CDH13: variants seen among roughly 807,000 people sequenced by gnomAD.
The protein encoded by CDH13 is cadherin 13.
In CDH13, 24 loss-of-function variants were observed where a neutral mutation model predicts 63.8. The ratio of observed to expected loss-of-function variants is 0.38; its 90% CI spans 0.27 to 0.53. The LOEUF (loss-of-function observed/expected upper bound fraction) is 0.53, where lower values mean the gene tolerates loss of function less well. Among genes scored for constraint, CDH13 ranks in the 20% least tolerant of loss-of-function variants. The pLI is 0.85. For synonymous variants in CDH13, 503 were observed against 355.3 expected, an observed-to-expected ratio of 1.42 and a Z score of -4.67; for missense variants, 1,049 against 903.1, an observed-to-expected ratio of 1.16 and a Z score of -2.07.
At chr16:83,717,640 C>T (rs1399562568) in intron 10 of CDH13, among the ~76,000 whole-genome samples, 1 of 152,256 alleles carries the variant, frequency 6.6e-6, no homozygotes, top group African/African-American at 2.4e-5. Context: ...TTTCACCTCT[C>T]ACTGCCTCAA....
rs1030278435 is a variant in CDH13, at chr16:83,783,483, C to G, written c.2134+11C>G. On this transcript the variant is annotated intron_variant, in intron 13 of 13. Transcript: ENST00000567109. ...TCTTCAGCTTAGCTTGTAAGTTGAC[C>G]TAACTCCAGTGCATGCACAAACAGG... 7.5e-6 allele frequency: 12 copies of G among 1,607,142 alleles called. No individual in the cohort carries two copies. The highest frequency in any genetic ancestry group is 2.7e-5 in the African/African-American group (2 of 74,766).
At chr16:83,072,853 G>A (rs992323716) in intron 3 of CDH13, among the ~76,000 whole-genome samples, 4 of 152,178 alleles carry the variant, frequency 2.6e-5, no homozygotes. Context: ...CCCTACATTG[G>A]AGGAAAGTTG....
At chr16:82,670,551 G>A (rs527269474) in intron 1 of CDH13, among the ~76,000 whole-genome samples, 1 of 152,162 alleles carries the variant, frequency 6.6e-6, no homozygotes, top group African/African-American at 2.4e-5. Context: ...AAGGCAGCGG[G>A]GCACACGTAC....
At chr16:83,213,932 T>A (rs542561055) in intron 4 of CDH13, among the ~76,000 whole-genome samples, 1 of 152,190 alleles carries the variant, frequency 6.6e-6, no homozygotes, top group African/African-American at 2.4e-5. Context: ...CGCACCAATC[T>A]GCACTCTGTG....
Position 82,693,317 on chromosome 16 carries a change from C to A in CDH13, c.45+66180C>A, listed in dbSNP as rs572966002. On this transcript the variant is annotated intron_variant, in intron 1 of 13. Coordinates refer to ENST00000567109, the MANE Select transcript of CDH13 (RefSeq NM_001257.5). Reference sequence around the variant, plus strand: ...AGCTTCTTAGTTTGTGGCAAGATAACTAACACATACATGAAAGTCTAGGCT... The same window carrying A: ...AGCTTCTTAGTTTGTGGCAAGATAAATAACACATACATGAAAGTCTAGGCT... 9.1e-4 allele frequency among the ~76,000 whole-genome samples: 138 copies of A among 152,250 alleles called. 1 individual carries two copies. Among genetic ancestry groups the A allele is most frequent in the Non-Finnish European group, 1.8e-3 (124 of 68,026 alleles).
intron 3 of CDH13, among the ~76,000 whole-genome samples, chr16:83,054,785 T>A (rs1056880878): frequency 6.6e-6 from 1 of 152,126 alleles, no homozygotes; most frequent in Non-Finnish European, 1.5e-5. Flanking sequence ...ATATAACAAG[T>A]AGTCTAAATA....
rs371199861 is a variant in CDH13, at chr16:83,109,900, G to A, written c.367-15485G>A. On this transcript the variant is annotated intron_variant, in intron 3 of 13. Transcript: ENST00000567109. ...ACATTTTTCACCTCCAGTAAAACTA[G>A]CAAGTCTTGATTTGTGTTGTTATTG... Among the ~76,000 whole-genome samples, 67 of 152,312 alleles carry A rather than the reference G, an allele frequency of 4.4e-4. 2 individuals carry two copies. The South Asian group carries it at 0.01, about 24-fold the overall frequency.
chr16:82,895,025 G>A (rs2041206155), intron 2 of CDH13, among the ~76,000 whole-genome samples: 1 of 152,168 alleles, frequency 6.6e-6, no homozygotes, highest in Non-Finnish European at 1.5e-5. Flanking sequence ...TATCAGCCAT[G>A]ATGTTTTCCT....
chr16:83,744,463 A>G (rs1912375227), intron 10 of CDH13, among the ~76,000 whole-genome samples: 2 of 152,234 alleles, frequency 1.3e-5, no homozygotes, highest in South Asian at 2.1e-4. Context: ...CAAAATAGTG[A>G]AAGGATCATT....
chr16:83,659,691 C>G (rs1267753479), intron 8 of CDH13, among the ~76,000 whole-genome samples: 2 of 151,852 alleles, frequency 1.3e-5, no homozygotes, highest in African/African-American at 2.4e-5. Context: ...CAGCTTTAGT[C>G]TGATACCCTT....
chr16:83,220,496 C>T (rs1281548550), intron 5 of CDH13, among the ~76,000 whole-genome samples: 1 of 152,012 alleles, frequency 6.6e-6, no homozygotes, highest in Non-Finnish European at 1.5e-5. Context: ...TCTAGTCTTG[C>T]AAGTTTAAAA....
chr16:83,382,072 A>T (rs561488024), intron 6 of CDH13, among the ~76,000 whole-genome samples: 2 of 152,228 alleles, frequency 1.3e-5, no homozygotes, highest in African/African-American at 4.8e-5. Flanking sequence ...TTCCACCCCA[A>T]CTCTACCAGC....
chr16:82,843,152 A>G (rs370571162), intron 1 of CDH13, among the ~76,000 whole-genome samples: 7 of 152,360 alleles, frequency 4.6e-5, no homozygotes, highest in Admixed American at 3.3e-4. Context: ...CAAAGAAGGT[A>G]TCAGCATGTC....
chr16:83,163,592 G>T (rs1567464888), intron 4 of CDH13, among the ~76,000 whole-genome samples: 1 of 151,980 alleles, frequency 6.6e-6, no homozygotes, highest in Non-Finnish European at 1.5e-5. Flanking sequence ...GTTTTCTATT[G>T]CCTTTGCAGT....
At chr16:83,777,454 G>C (rs1442599783) in intron 11 of CDH13, among the ~76,000 whole-genome samples, 2 of 152,250 alleles carry the variant, frequency 1.3e-5, no homozygotes, top group Admixed American at 1.3e-4. Flanking sequence ...CCCCCAGCCA[G>C]TTTCTCATTG....
intron 2 of CDH13, among the ~76,000 whole-genome samples, chr16:82,997,143 ATGG>A (rs1245223486): frequency 8.8e-6 from 1 of 113,468 alleles, no homozygotes; most frequent in African/African-American, 3.5e-5. Flanking sequence ...GGTGGTGATG[ATGG>A]TGATGATGGT....
chr16:83,121,202 C>A (rs2035557504), intron 3 of CDH13, among the ~76,000 whole-genome samples: 1 of 152,102 alleles, frequency 6.6e-6, no homozygotes. Context: ...TTTTCACTTC[C>A]TAGAGACTAA....
chr16:83,557,973 T>C (rs2075635171), intron 7 of CDH13, among the ~76,000 whole-genome samples: 1 of 152,120 alleles, frequency 6.6e-6, no homozygotes, highest in Admixed American at 6.5e-5. Flanking sequence ...AAGATTGCTT[T>C]TCTTGGTTGT....
At chr16:82,818,921 A>G (rs984020927) in intron 1 of CDH13, among the ~76,000 whole-genome samples, 7 of 152,222 alleles carry the variant, frequency 4.6e-5, no homozygotes, top group South Asian at 2.1e-4. Context: ...AACATTTTCA[A>G]TGACAGAACT....
Sources: gnomAD v4.1 joint callset for allele counts (sites outside exome capture counted in the v4.1 genomes callset) on GRCh38, gnomAD v4.1.1 for gene constraint, MANE v1.5 for transcripts, NCBI Gene and HGNC (gene_info 2026-07-23, HGNC 2026-07-21) for gene names.